ITPKA: variants seen among roughly 807,000 people sequenced by gnomAD.
ITPKA encodes IP3 3-kinase A.
Under a neutral mutation model 40.7 loss-of-function variants are expected in ITPKA, and 16 were observed. That is an observed-to-expected ratio of 0.39 (90% CI 0.27 to 0.60). The LOEUF is 0.60. Ranked by LOEUF, ITPKA falls within the 20% of genes least tolerant of loss-of-function variation. The pLI is 0.50. For synonymous variants in ITPKA, 313 were observed against 289.9 expected (o/e 1.08, Z -0.81); for missense variants, 540 against 649.3 (o/e 0.83, Z 1.83).
rs2051112662 is a variant in ITPKA at position 41,501,770 on chromosome 15, A to T, written c.722A>T (p.Asp241Val). ...VPAFHGVVER[D>V]GESYLQLQDL... Reference sequence around the variant, plus strand: ...GCCTTCCACGGCGTGGTGGAGCGCGACGGCGAAAGCTACCTGCAGCTGCAG... The same window carrying T: ...GCCTTCCACGGCGTGGTGGAGCGCGTCGGCGAAAGCTACCTGCAGCTGCAG... Residue 241 changes from aspartate to valine, a missense_variant, in exon 3 of 7, where the codon GAC (aspartate) becomes GTC (valine). By Grantham distance (152) the Asp-to-Val change is radical. Transcript: ENST00000260386. The T allele has an allele frequency of 6.2e-7, 1 of 1,612,900 alleles. No individual in the cohort carries two copies. Among genetic ancestry groups the T allele is most frequent in the Admixed American group, 1.7e-5 (1 of 59,988 alleles).
Position 41,494,495 on chromosome 15 carries a change from G to T in ITPKA, c.489+79G>T. The T allele has an allele frequency of 1.0e-6, 1 of 988,358 alleles. No homozygotes were observed. Among genetic ancestry groups the T allele is most frequent in the African/African-American group, 1.7e-5 (1 of 58,038 alleles). 61.2% of individuals were successfully genotyped at this position (988,358 alleles called of 1,614,324 possible). ...CTGGCTGGGTGCTCCCGGAGGACCC[G>T]CTCCTGTCCATGCTCCCTCCAGCGG... is the stretch of plus-strand genomic sequence containing the variant. On this transcript the variant is annotated intron_variant, in intron 1 of 6. Transcript: ENST00000260386. This position sits in a 1 kb window ranked among gnomAD's most constrained non-coding sequence, Gnocchi z 7.8.
chr15:41,501,116 A>G (rs1426621130), intron 1 of ITPKA, among the ~76,000 whole-genome samples: 1 of 152,090 alleles, frequency 6.6e-6, no homozygotes, highest in African/African-American at 2.4e-5. Flanking sequence ...ACCATCAGGT[A>G]ATTCCGATGT....
chr15:41,502,584 GGC>G, intron 5 of ITPKA, 81 bp downstream of exon 5: 1 of 976,458 alleles, frequency 1.0e-6, no homozygotes, highest in Non-Finnish European at 1.6e-6. Flanking sequence ...CAGTGCCCTC[GGC>G]TGTGTCCCCA....
intron 1 of ITPKA, chr15:41,501,206 C>G: frequency 1.8e-6 from 1 of 544,052 alleles, no homozygotes; most frequent in South Asian, 7.9e-5. Context: ...GGAGCGCAAA[C>G]CGGGGGCTTC....
At position 41,503,167 on chromosome 15, in the gene ITPKA, G is replaced by A. The variant is rs376093441; in HGVS notation, c.*1G>A. On this transcript the variant is annotated 3_prime_UTR_variant, in exon 7 of 7. Coordinates refer to ENST00000260386, the MANE Select transcript of ITPKA (RefSeq NM_002220.3). ...CCTGGCCAGCCTGGCTGAGAGATGA[G>A]GCTGGACTCCTGTCCCCGCGGGCCG... is the stretch of plus-strand genomic sequence containing the variant. 122 of 1,576,862 alleles carry A rather than the reference G, an allele frequency of 7.7e-5. No homozygotes were observed. The highest frequency in any genetic ancestry group is 1.0e-4 in the Non-Finnish European group (115 of 1,154,108).
chr15:41,501,032 AAAT>A lies in ITPKA; in HGVS notation c.490-430_490-428del, dbSNP rs1387597176. Among the ~76,000 whole-genome samples the A allele has an allele frequency of 3.2e-4, 43 of 135,532 alleles. 1 individual carries two copies. The highest frequency in any genetic ancestry group is 1.0e-3 in the African/African-American group (36 of 36,074). The allele number at this position is 135,532 out of a possible 152,430, so 88.9% of individuals were successfully genotyped here. A position where few individuals can be genotyped will look rare whatever the true frequency, so the allele number is the denominator to read the frequency against. On this transcript the variant is annotated intron_variant, in intron 1 of 6. Coordinates refer to ENST00000260386, the MANE Select transcript of ITPKA (RefSeq NM_002220.3). ...TGAAAAAAAAAAAAAAAAAAAAAAA[AAAT>A]GGCCCTACTCTAGACCAACTTAGAA...
intron 1 of ITPKA, chr15:41,501,216 C>G: frequency 1.5e-6 from 1 of 656,022 alleles, no homozygotes; most frequent in Non-Finnish European, 1.9e-6. Flanking sequence ...CCGGGGGCTT[C>G]AGATGCTAAG....
rs773941293 is a variant in ITPKA at position 41,501,531 on chromosome 15, C to T, written c.558C>T (p.Tyr186=). The change falls in exon 2 of 7, where the codon TAC becomes TAT. Residue 186 remains tyrosine, a synonymous_variant. Transcript: ENST00000260386. ...TCATAAGCCCTTTCAAGAAGCGCTA[C>T]GCCTGGGTGCAGCTGGCAGGGCACA... The part of the protein sequence containing the change: ...LPVISPFKKR[Y]AWVQLAGHTG... 18 of 1,509,620 alleles carry T rather than the reference C, an allele frequency of 1.2e-5. No individual in the cohort carries two copies. Among genetic ancestry groups the T allele is most frequent in the African/African-American group, 1.4e-5 (1 of 69,766 alleles). 93.5% of individuals were successfully genotyped at this position (1,509,620 alleles called of 1,614,324 possible).
intron 1 of ITPKA, among the ~76,000 whole-genome samples, chr15:41,499,166 G>A (rs1175424623): frequency 6.6e-6 from 1 of 152,128 alleles, no homozygotes; most frequent in Non-Finnish European, 1.5e-5. Context: ...ATAAAACTTG[G>A]ATTTATTATG....
At chr15:41,496,073 C>T (rs926413506) in intron 1 of ITPKA, among the ~76,000 whole-genome samples, 1 of 152,214 alleles carries the variant, frequency 6.6e-6, no homozygotes, top group Non-Finnish European at 1.5e-5. Context: ...CCCCCAGGCC[C>T]GCCGGGGCCT....
Position 41,501,502 on chromosome 15 carries a change from C to A in ITPKA, c.529C>A (p.Pro177Thr). The change falls in exon 2 of 7, where the codon CCG becomes ACG. Residue 177 changes from proline (P) to threonine (T), a missense_variant. Physicochemically the swap from Pro to Thr is conservative, Grantham distance 38 (BLOSUM62 -1). Coordinates refer to ENST00000260386, the MANE Select transcript of ITPKA (RefSeq NM_002220.3). ...GAAGATCCGGACCATGGTCAATCTG[C>A]CGGTCATAAGCCCTTTCAAGAAGCG... Reference protein sequence around the residue: ...WQKIRTMVNLPVISPFKKRYA... With the variant: ...WQKIRTMVNLTVISPFKKRYA... 6.2e-7 allele frequency: 1 copy of A among 1,611,080 alleles called. No individual in the cohort carries two copies.
intron 1 of ITPKA, among the ~76,000 whole-genome samples, chr15:41,496,104 A>T (rs2051068704): frequency 6.6e-6 from 1 of 152,236 alleles, no homozygotes; most frequent in African/African-American, 2.4e-5. Flanking sequence ...AAACAGCCAC[A>T]GCGGCGGCAG....
intron 1 of ITPKA, among the ~76,000 whole-genome samples, chr15:41,497,018 G>A (rs905860037): frequency 1.9e-4 from 29 of 152,160 alleles, no homozygotes; most frequent in Non-Finnish European, 3.4e-4. Flanking sequence ...TGCTCCAGCA[G>A]AAGATACACT....
At chr15:41,502,914 C>A in intron 6 of ITPKA, 49 bp from the exon 7 acceptor site, 1 of 1,603,696 alleles carries the variant, frequency 6.2e-7, no homozygotes, top group Non-Finnish European at 8.5e-7. Flanking sequence ...GGGAACCCGG[C>A]AAGGGCGTCT....
rs1226751444 is a variant in ITPKA, at chr15:41,494,953, G to A, written c.489+537G>A. On this transcript the variant is annotated intron_variant, in intron 1 of 6. Coordinates refer to ENST00000260386, the MANE Select transcript of ITPKA (RefSeq NM_002220.3). This position sits in a 1 kb window ranked among gnomAD's most constrained non-coding sequence, Gnocchi z 7.8. ...CGCACGAGGCGTGGACGCAGGGGAGGGAGGGGCGTGGGCCTGGGAGCTCTG... is the reference window on the plus strand; with the variant it reads ...CGCACGAGGCGTGGACGCAGGGGAGAGAGGGGCGTGGGCCTGGGAGCTCTG... 6.6e-6 allele frequency among the ~76,000 whole-genome samples: 1 copy of A among 152,232 alleles called. No individual in the cohort carries two copies. Among genetic ancestry groups the A allele is most frequent in the African/African-American group, 2.4e-5 (1 of 41,476 alleles).
Position 41,501,675 on chromosome 15 carries a change from G to A in ITPKA, c.627G>A (p.Lys209=). 6.2e-7 allele frequency: 1 copy of A among 1,609,710 alleles called. No individual in the cohort carries two copies. The highest frequency in any genetic ancestry group is 2.2e-5 in the East Asian group (1 of 44,748). The change falls in exon 3 of 7, where the codon AAG becomes AAA. Residue 209 remains lysine (K), a synonymous_variant. Coordinates refer to ENST00000260386, the MANE Select transcript of ITPKA (RefSeq NM_002220.3). ...KAAGTSGLIL[K]RCSEPERYCL... is the part of the protein sequence containing the mutation. ...CGGGCACCAGCGGGCTGATCCTGAA[G>A]CGCTGCTCGGAGCCGGAGCGCTACT...
chr15:41,497,040 A>T (rs1436762721), intron 1 of ITPKA, among the ~76,000 whole-genome samples: 1 of 152,198 alleles, frequency 6.6e-6, no homozygotes, highest in African/African-American at 2.4e-5. Flanking sequence ...TGTATCTGGC[A>T]TGAGCAGGTG....
At position 41,501,768 on chromosome 15, in the gene ITPKA, C is replaced by A. The variant is rs770400245; in HGVS notation, c.720C>A (p.Arg240=). 3.1e-6 allele frequency: 5 copies of A among 1,612,984 alleles called. No individual in the cohort carries two copies. The East Asian group carries it at 1.1e-4, about 36-fold the overall frequency. ...CTGCCTTCCACGGCGTGGTGGAGCG[C>A]GACGGCGAAAGCTACCTGCAGCTGC... ...CVPAFHGVVE[R]DGESYLQLQD... is the part of the protein sequence containing the mutation. The change falls in exon 3 of 7, where the codon CGC becomes CGA. Residue 240 remains arginine (R), a synonymous_variant. Transcript: ENST00000260386.
chr15:41,499,874 A>T (rs1200291242), intron 1 of ITPKA, among the ~76,000 whole-genome samples: 1 of 151,268 alleles, frequency 6.6e-6, no homozygotes, highest in Admixed American at 6.6e-5. Flanking sequence ...AAAAAAACAA[A>T]AACAAAAAAC....
Sources: gnomAD v4.1 joint callset for allele counts (sites outside exome capture counted in the v4.1 genomes callset) on GRCh38, gnomAD v4.1.1 for gene constraint, Gnocchi (gnomAD v3.1) non-coding constraint, MANE v1.5 for transcripts, NCBI Gene and HGNC (gene_info 2026-07-23, HGNC 2026-07-21) for gene names.